The following MACROD2 variants were observed in gnomAD, a reference collection of about 807,000 sequenced individuals.
The protein encoded by MACROD2 is ADP-ribose glycohydrolase MACROD2.
In MACROD2, 36 loss-of-function variants were observed where a neutral mutation model predicts 70.4. That is an observed-to-expected ratio of 0.51 (90% CI 0.39 to 0.68). MACROD2 has a LOEUF of 0.68. MACROD2 is among the 30% of genes least tolerant of loss of function. The pLI, the probability that MACROD2 is intolerant of heterozygous loss-of-function variation, is 0.00. For missense variants in MACROD2, 496 were observed against 538.4 expected, an observed-to-expected ratio of 0.92 and a Z score of 0.78; for synonymous variants, 172 against 178.8, an observed-to-expected ratio of 0.96 and a Z score of 0.30.
chr20:15,659,200 G>A (rs189489511), intron 8 of MACROD2, among the ~76,000 whole-genome samples: 70 of 151,060 alleles, frequency 4.6e-4, no homozygotes, highest in Admixed American at 9.2e-4. Flanking sequence ...TTGGTTTGTA[G>A]GTATATGATA....
At chr20:15,444,971 C>G (rs888299874) in intron 7 of MACROD2, among the ~76,000 whole-genome samples, 2 of 151,582 alleles carry the variant, frequency 1.3e-5, no homozygotes, top group Non-Finnish European at 2.9e-5. Context: ...TTAATAGTAA[C>G]ATTATTCTTA....
intron 6 of MACROD2, among the ~76,000 whole-genome samples, chr20:15,414,220 CT>C (rs1402398729): frequency 6.6e-6 from 1 of 152,118 alleles, no homozygotes; most frequent in Non-Finnish European, 1.5e-5. Context: ...TGTGAAAGTT[CT>C]TAGTTTGAAG....
At chr20:15,205,187 A>G (rs75840429) in intron 5 of MACROD2, among the ~76,000 whole-genome samples, 1,755 of 152,284 alleles carry the variant, frequency 0.012, 26 homozygotes, top group African/African-American at 0.04. Context: ...ACCAGATGGT[A>G]TGTGGCAAAG....
At chr20:14,565,571 G>C (rs980644767) in intron 4 of MACROD2, among the ~76,000 whole-genome samples, 7 of 151,564 alleles carry the variant, frequency 4.6e-5, no homozygotes, top group African/African-American at 1.7e-4. Context: ...ATTGTTGCAT[G>C]TTTCAATAGT....
In MACROD2 at chr20:14,413,195, GT is replaced by G. The variant is rs11087089; in HGVS notation, c.272-80273del. ...TTTAGAACCTGTGCTCTTTACCACT[GT>G]TTTTTTTTTTGTCTCCTTAAATATG... On this transcript the variant is annotated intron_variant, in intron 3 of 17. Coordinates refer to ENST00000684519, the MANE Select transcript of MACROD2 (RefSeq NM_001351661.2). Among the ~76,000 whole-genome samples the G allele has an allele frequency of 1.1e-3, 154 of 145,302 alleles. 1 individual carries two copies. Among genetic ancestry groups the G allele is most frequent in the Admixed American group, 2.1e-3 (30 of 14,522 alleles).
intron 12 of MACROD2, among the ~76,000 whole-genome samples, chr20:15,963,193 G>A (rs2066088232): frequency 6.6e-6 from 1 of 152,140 alleles, no homozygotes; most frequent in Admixed American, 6.6e-5. Context: ...TGCAATTTTT[G>A]CATCAAGCTC....
chr20:15,362,376 T>C (rs1435677308), intron 6 of MACROD2, among the ~76,000 whole-genome samples: 1 of 152,168 alleles, frequency 6.6e-6, no homozygotes, highest in Admixed American at 6.5e-5. Flanking sequence ...TATTTCAGTC[T>C]TAGGAAAAAC....
intron 3 of MACROD2, among the ~76,000 whole-genome samples, chr20:14,215,644 C>G (rs2081615519): frequency 6.6e-6 from 1 of 152,064 alleles, no homozygotes; most frequent in African/African-American, 2.4e-5. Flanking sequence ...TAGAAGTGTT[C>G]CCTGTTCACT....
intron 3 of MACROD2, chr20:14,127,970 C>A: frequency 1.9e-6 from 1 of 514,124 alleles, no homozygotes; most frequent in South Asian, 1.5e-5. Flanking sequence ...GGGAAATAGT[C>A]CCAAGAACAG....
chr20:14,642,367 T>G (rs922686884), intron 4 of MACROD2, among the ~76,000 whole-genome samples: 27 of 152,206 alleles, frequency 1.8e-4, no homozygotes, highest in African/African-American at 5.3e-4. Flanking sequence ...CAGTTTCTTA[T>G]CATTCGTGTG....
At chr20:14,584,709 T>C (rs1438692552) in intron 4 of MACROD2, among the ~76,000 whole-genome samples, 3 of 152,154 alleles carry the variant, frequency 2.0e-5, no homozygotes, top group African/African-American at 7.2e-5. Context: ...CTTTAAAAAT[T>C]GGTGCATCTT....
intron 7 of MACROD2, among the ~76,000 whole-genome samples, chr20:15,432,566 T>G (rs1179165998): frequency 2.0e-5 from 3 of 152,084 alleles, no homozygotes. Flanking sequence ...ACCTTAAATA[T>G]TTGCTTAAAG....
chr20:14,794,130 A>G (rs1188540676), intron 5 of MACROD2, among the ~76,000 whole-genome samples: 1 of 152,122 alleles, frequency 6.6e-6, no homozygotes, highest in East Asian at 1.9e-4. Flanking sequence ...TTGCAGGATT[A>G]CAATTTACCC....
At chr20:15,300,545 A>G (rs1335263736) in intron 6 of MACROD2, among the ~76,000 whole-genome samples, 4 of 152,208 alleles carry the variant, frequency 2.6e-5, no homozygotes, top group Non-Finnish European at 4.4e-5. Flanking sequence ...ACTCAGACCT[A>G]CTGAACTAGA....
intron 3 of MACROD2, among the ~76,000 whole-genome samples, chr20:14,171,896 TTC>T (rs984095162): frequency 6.6e-6 from 1 of 152,196 alleles, no homozygotes; most frequent in Non-Finnish European, 1.5e-5. Flanking sequence ...TTTGTTGACT[TTC>T]TGTCTTGATG....
intron 2 of MACROD2, among the ~76,000 whole-genome samples, chr20:14,017,985 C>G (rs2053017833): frequency 6.6e-6 from 1 of 152,032 alleles, no homozygotes; most frequent in African/African-American, 2.4e-5. Context: ...AATTATAGGT[C>G]TATTGAAGTT....
At chr20:14,463,609 G>A (rs2084400069) in intron 3 of MACROD2, among the ~76,000 whole-genome samples, 2 of 151,986 alleles carry the variant, frequency 1.3e-5, no homozygotes, top group South Asian at 4.1e-4. Context: ...CCCTGTTTGT[G>A]CCAGTTTTCA....
chr20:14,414,266 C>T (rs1344564747), intron 3 of MACROD2, among the ~76,000 whole-genome samples: 2 of 152,150 alleles, frequency 1.3e-5, no homozygotes, highest in East Asian at 1.9e-4. Flanking sequence ...CTGTATTCGT[C>T]TCCATTTCCC....
At chr20:14,947,863 A>G (rs1399206575) in intron 5 of MACROD2, among the ~76,000 whole-genome samples, 1 of 152,174 alleles carries the variant, frequency 6.6e-6, no homozygotes, top group Non-Finnish European at 1.5e-5. Context: ...CAATGCTTCT[A>G]CAGCCACGAT....
Sources: allele counts gnomAD v4.1 joint callset (sites outside exome capture counted in the v4.1 genomes callset), GRCh38; gene constraint gnomAD v4.1.1; transcripts MANE v1.5; gene names NCBI Gene and HGNC (gene_info 2026-07-23, HGNC 2026-07-21).